Variants in SLC24A3 observed in about 807,000 individuals in gnomAD.
SLC24A3 encodes sodium/potassium/calcium exchanger 3.
SLC24A3 carries 28 observed loss-of-function variants against 75.8 expected under a neutral mutation model. That is an observed-to-expected ratio of 0.37 (90% CI 0.27 to 0.51). The LOEUF is 0.51. Among genes scored for constraint, SLC24A3 ranks in the 20% least tolerant of loss-of-function variants. The probability of loss-of-function intolerance (pLI) is 0.94; values close to 1 mark genes in which losing one functional copy is unlikely to be tolerated. For synonymous variants in SLC24A3, 372 were observed against 334.1 expected, an observed-to-expected ratio of 1.11 and a Z score of -1.24; for missense variants, 663 against 847.8, an observed-to-expected ratio of 0.78 and a Z score of 2.71.
intron 6 of SLC24A3, among the ~76,000 whole-genome samples, chr20:19,608,334 C>T (rs2031625489): frequency 6.6e-6 from 1 of 152,124 alleles, no homozygotes; most frequent in Non-Finnish European, 1.5e-5. Context: ...TAATTAGCAA[C>T]ATAAGATTTA....
intron 2 of SLC24A3, among the ~76,000 whole-genome samples, chr20:19,365,405 C>T (rs1027111717): frequency 2.6e-5 from 4 of 152,156 alleles, no homozygotes; most frequent in Non-Finnish European, 4.4e-5. Context: ...AGAGGAACCA[C>T]GATAGCTCCT....
In SLC24A3 at chr20:19,615,392, G is replaced by A. The variant is rs151135685; in HGVS notation, c.612+29848G>A. Among the ~76,000 whole-genome samples, 10 of 152,254 alleles carry A rather than the reference G, an allele frequency of 6.6e-5. No homozygotes were observed. In the East Asian group the frequency reaches 7.7e-4, roughly 12 times the overall value. On this transcript the variant is annotated intron_variant, in intron 6 of 16. Transcript: ENST00000328041. ...TAAAGAAAATAGTTTTAATTGGCTC[G>A]CATTCTGCAGACTGTACAGGAAACA...
In SLC24A3 at chr20:19,717,608, C is replaced by G. The variant is rs1489494232; in HGVS notation, c.1785+15C>G. ...TTTTTGTCACGGTAGGTTGGCAGCT[C>G]TCTCCTCGTACTTGTGTTTGCCTGT... is the stretch of plus-strand genomic sequence containing the variant. On this transcript the variant is annotated intron_variant, in intron 16 of 16. Coordinates refer to ENST00000328041, the MANE Select transcript of SLC24A3 (RefSeq NM_020689.4). 7 of 1,613,954 alleles carry G rather than the reference C, an allele frequency of 4.3e-6. No individual in the cohort carries two copies. The highest frequency in any genetic ancestry group is 5.9e-6 in the Non-Finnish European group (7 of 1,179,944).
intron 2 of SLC24A3, among the ~76,000 whole-genome samples, chr20:19,372,783 T>C (rs1986014117): frequency 1.3e-5 from 2 of 151,888 alleles, no homozygotes; most frequent in Non-Finnish European, 2.9e-5. Context: ...AATGCCCGGC[T>C]TTCCCTCCCC....
intron 2 of SLC24A3, among the ~76,000 whole-genome samples, chr20:19,511,785 C>A (rs60982395): frequency 3.9e-5 from 6 of 152,110 alleles, no homozygotes; most frequent in African/African-American, 1.4e-4. Flanking sequence ...TTTCCTGATA[C>A]GTGTTTTCTG....
intron 1 of SLC24A3, among the ~76,000 whole-genome samples, chr20:19,233,366 G>A (rs897922347): frequency 3.3e-5 from 5 of 152,212 alleles, no homozygotes; most frequent in African/African-American, 9.6e-5. Flanking sequence ...TTGAGCCAAG[G>A]AAACCATACA....
intron 2 of SLC24A3, among the ~76,000 whole-genome samples, chr20:19,347,796 C>T (rs1165696508): frequency 6.6e-6 from 1 of 152,136 alleles, no homozygotes; most frequent in Non-Finnish European, 1.5e-5. Context: ...CCCTCCAGCC[C>T]GTTTCTGAGA....
At chr20:19,379,351 A>C (rs1986142757) in intron 2 of SLC24A3, among the ~76,000 whole-genome samples, 1 of 152,068 alleles carries the variant, frequency 6.6e-6, no homozygotes, top group Non-Finnish European at 1.5e-5. Flanking sequence ...GAATAATTGG[A>C]GATAAGGCTG....
chr20:19,616,493 C>G (rs1358011777), intron 6 of SLC24A3, among the ~76,000 whole-genome samples: 1 of 152,140 alleles, frequency 6.6e-6, no homozygotes. Context: ...GAGTGCTTGA[C>G]AATTTTTTAA....
intron 2 of SLC24A3, among the ~76,000 whole-genome samples, chr20:19,347,451 TA>T (rs145282713): frequency 0.069 from 10,534 of 152,170 alleles, 1,180 homozygotes; most frequent in African/African-American, 0.24. Flanking sequence ...ATGTTAGTAA[TA>T]GGGGAAACTG....
chr20:19,592,535 G>A (rs1218816418), intron 6 of SLC24A3, among the ~76,000 whole-genome samples: 1 of 152,148 alleles, frequency 6.6e-6, no homozygotes. Context: ...AGAAAATGAA[G>A]CAATCATTTC....
At chr20:19,305,445 C>A (rs2122252130) in intron 2 of SLC24A3, among the ~76,000 whole-genome samples, 1 of 152,084 alleles carries the variant, frequency 6.6e-6, no homozygotes, top group Middle Eastern at 3.4e-3. Context: ...ATGCTACGCC[C>A]TGACGGAGGG....
intron 2 of SLC24A3, among the ~76,000 whole-genome samples, chr20:19,458,799 A>T (rs1242966264): frequency 6.6e-6 from 1 of 152,122 alleles, no homozygotes; most frequent in Non-Finnish European, 1.5e-5. Context: ...GTTAATACAT[A>T]CCCTATGGCC....
rs1461377578 is a variant in SLC24A3, at chr20:19,722,916, G to C, written c.*1776G>C. ...TTCTCTATCCTTCCCAGAGCAGAGT[G>C]CATTACTTTCTCCCCTGGAAAGCTG... On this transcript the variant is annotated 3_prime_UTR_variant, in exon 17 of 17. Transcript: ENST00000328041. 1 of 152,654 alleles carries C rather than the reference G, an allele frequency of 6.6e-6. No homozygotes were observed. The highest frequency in any genetic ancestry group is 2.4e-5 in the African/African-American group (1 of 41,464). 9.5% of individuals were successfully genotyped at this position (152,654 alleles called of 1,614,324 possible).
At chr20:19,560,880 T>A (rs2030864389) in intron 3 of SLC24A3, among the ~76,000 whole-genome samples, 1 of 152,188 alleles carries the variant, frequency 6.6e-6, no homozygotes, top group Non-Finnish European at 1.5e-5. Flanking sequence ...TATGTAAGTA[T>A]AATTAATAGA....
chr20:19,366,194 A>G (rs1394709784), intron 2 of SLC24A3, among the ~76,000 whole-genome samples: 1 of 152,044 alleles, frequency 6.6e-6, no homozygotes, highest in African/African-American at 2.4e-5. Flanking sequence ...TTCCATTGCC[A>G]AGGATCCTGA....
chr20:19,583,428 C>T (rs970432367), intron 4 of SLC24A3, among the ~76,000 whole-genome samples: 1 of 152,090 alleles, frequency 6.6e-6, no homozygotes, highest in Non-Finnish European at 1.5e-5. Context: ...AGGAATTATT[C>T]CAAGCTCTGG....
chr20:19,318,383 A>G (rs776568767), intron 2 of SLC24A3, among the ~76,000 whole-genome samples: 2 of 152,188 alleles, frequency 1.3e-5, no homozygotes, highest in Non-Finnish European at 1.5e-5. Context: ...GTAATTAGCC[A>G]TGATGAGGAG....
At chr20:19,519,418 A>C (rs543495816) in intron 3 of SLC24A3, among the ~76,000 whole-genome samples, 1 of 152,214 alleles carries the variant, frequency 6.6e-6, no homozygotes, top group East Asian at 1.9e-4. Context: ...CAACTTTCTG[A>C]ACATCGCAGC....
Sources: allele counts gnomAD v4.1 joint callset (sites outside exome capture counted in the v4.1 genomes callset), GRCh38; gene constraint gnomAD v4.1.1; transcripts MANE v1.5; gene names NCBI Gene and HGNC (gene_info 2026-07-23, HGNC 2026-07-21).